Variants in ADAM22 observed in about 807,000 individuals in gnomAD.
ADAM22 encodes the protein ADAM metallopeptidase domain 22, also known as disintegrin and metalloproteinase domain-containing protein 22.
ADAM22 carries 65 observed loss-of-function variants against 144.6 expected under a neutral mutation model. That is an observed-to-expected ratio of 0.45 (90% CI 0.37 to 0.55). ADAM22 has a LOEUF of 0.55. ADAM22 is among the 20% of genes least tolerant of loss of function. The pLI, the probability that ADAM22 is intolerant of heterozygous loss-of-function variation, is 0.00. For synonymous variants in ADAM22, 391 were observed against 412.6 expected (o/e 0.95, Z 0.63); for missense variants, 974 against 1,184.9 (o/e 0.82, Z 2.61).
At chr7:87,934,885 T>C (rs765291661) in intron 1 of ADAM22, 141 bp from the exon 2 acceptor site, 1 of 1,206,918 alleles carries the variant, frequency 8.3e-7, no homozygotes, top group Non-Finnish European at 1.2e-6. Context: ...TCTGCGTCCT[T>C]CCCAGTTGGG....
At chr7:88,128,977 T>TA (rs150818906) in intron 9 of ADAM22, among the ~76,000 whole-genome samples, 2 of 151,970 alleles carry the variant, frequency 1.3e-5, no homozygotes, top group African/African-American at 4.8e-5. Flanking sequence ...TGACAAGGTT[T>TA]AAAAAAATGG....
chr7:88,011,273 A>C (rs1563017996), intron 3 of ADAM22, among the ~76,000 whole-genome samples: 1 of 152,176 alleles, frequency 6.6e-6, no homozygotes. Context: ...TTGAAATTAA[A>C]AACACTGCCT....
chr7:87,976,058 C>G (rs770712448), intron 2 of ADAM22, among the ~76,000 whole-genome samples: 1 of 152,130 alleles, frequency 6.6e-6, no homozygotes, highest in Non-Finnish European at 1.5e-5. Context: ...TTCATTTATA[C>G]ATCCAGGGGA....
At chr7:88,097,451 A>G (rs1031490072) in intron 4 of ADAM22, among the ~76,000 whole-genome samples, 1 of 151,970 alleles carries the variant, frequency 6.6e-6, no homozygotes, top group Admixed American at 6.5e-5. Context: ...CCTGGCTGCA[A>G]CAGAATCTTT....
intron 4 of ADAM22, among the ~76,000 whole-genome samples, chr7:88,079,599 C>G (rs995785020): frequency 5.3e-5 from 8 of 152,212 alleles, no homozygotes; most frequent in African/African-American, 1.9e-4. Context: ...ATTCAGGAAA[C>G]CCATCTCATG....
At chr7:88,032,935 C>T (rs1345678230) in intron 3 of ADAM22, among the ~76,000 whole-genome samples, 2 of 152,146 alleles carry the variant, frequency 1.3e-5, no homozygotes, top group Non-Finnish European at 2.9e-5. Context: ...TGAGGCCTTC[C>T]CAGAAGTAGA....
rs767014451 is a variant in ADAM22 at position 87,934,553 on chromosome 7, A to G, written c.85+3A>G. 1 of 1,605,796 alleles carries G rather than the reference A, an allele frequency of 6.2e-7. No homozygotes were observed. Among genetic ancestry groups the G allele is most frequent in the East Asian group, 2.2e-5 (1 of 44,666 alleles). On this transcript the variant is annotated splice_donor_region_variant and intron_variant, in intron 1 of 31. Coordinates refer to ENST00000413139, the MANE Select transcript of ADAM22 (RefSeq NM_001324418.2). ...TCCGGCGCGCTGCGGCCAGGCAGGTAAGTTAGCCGTCCTCTGTGCCTTTGG... is the reference window on the plus strand; with the variant it reads ...TCCGGCGCGCTGCGGCCAGGCAGGTGAGTTAGCCGTCCTCTGTGCCTTTGG...
chr7:88,054,588 CTGTGTGTG>C (rs58027941), intron 3 of ADAM22, among the ~76,000 whole-genome samples: 1,682 of 132,264 alleles, frequency 0.013, 16 homozygotes, highest in African/African-American at 0.023. Flanking sequence ...AGGTGCCCTC[CTGTGTGTG>C]TGTGTGTGTG....
intron 3 of ADAM22, among the ~76,000 whole-genome samples, chr7:87,991,383 G>A (rs935838978): frequency 2.2e-5 from 3 of 134,236 alleles, no homozygotes; most frequent in East Asian, 2.2e-4. Flanking sequence ...TTTTTGAGAC[G>A]GAGTCTCGCT....
rs1314314904 is a variant in ADAM22, at chr7:88,165,882, T to G, written c.2127T>G (p.Ser709=). Residue 709 remains serine (S), a synonymous_variant, in exon 24 of 32, where the codon TCT becomes TCG. Transcript: ENST00000413139. ...TGTGTAACAGACACTGGATAGGTTC[T>G]GATTGCAACACTTACTTCCCTCACA... ...KCVCNRHWIG[S]DCNTYFPHND... 6 of 1,612,206 alleles carry G rather than the reference T, an allele frequency of 3.7e-6. No individual in the cohort carries two copies. The African/African-American group carries it at 6.7e-5, about 18-fold the overall frequency.
At chr7:88,161,111 G>A (rs555245563) in intron 22 of ADAM22, among the ~76,000 whole-genome samples, 2 of 146,266 alleles carry the variant, frequency 1.4e-5, no homozygotes, top group South Asian at 4.3e-4. Flanking sequence ...TAAAGTATAA[G>A]AATAATAATA....
In ADAM22 at chr7:88,154,705, C is replaced by A. The variant is rs548065008; in HGVS notation, c.1788-1182C>A. Among the ~76,000 whole-genome samples the A allele has an allele frequency of 2.0e-5, 3 of 152,094 alleles. No homozygotes were observed. In the South Asian group the frequency reaches 6.2e-4, roughly 32 times the overall value. ...TAGGTTCATATACATAAATGACATT[C>A]AAAAAAGTTTTGAATGAATATCTCT... On this transcript the variant is annotated intron_variant, in intron 21 of 31. Coordinates refer to ENST00000413139, the MANE Select transcript of ADAM22 (RefSeq NM_001324418.2).
chr7:88,151,131 T>G (rs899388662), intron 19 of ADAM22, 100 bp downstream of exon 19: 8 of 1,522,054 alleles, frequency 5.3e-6, no homozygotes, highest in East Asian at 2.3e-5. Flanking sequence ...ATGTTTGTAA[T>G]CAATTCTGAA....
chr7:88,111,106 T>C (rs1413945442), intron 5 of ADAM22, among the ~76,000 whole-genome samples: 2 of 152,054 alleles, frequency 1.3e-5, no homozygotes, highest in African/African-American at 4.8e-5. Flanking sequence ...ACCTATCGTG[T>C]GTCTTGGAAC....
chr7:88,182,048 A>G (rs1334970383), intron 29 of ADAM22, 24 bp downstream of exon 29: 1 of 1,604,078 alleles, frequency 6.2e-7, no homozygotes, highest in Admixed American at 1.7e-5. Flanking sequence ...TCTAATGGAA[A>G]AAGGCACTCC....
chr7:88,116,659 C>A, intron 6 of ADAM22, 86 bp from the exon 7 acceptor site: 1 of 1,124,220 alleles, frequency 8.9e-7, no homozygotes, highest in South Asian at 1.3e-5. Context: ...AGCTGTGGTT[C>A]TTTTAAGGGT....
At chr7:87,934,856 A>T in intron 1 of ADAM22, 170 bp from the exon 2 acceptor site, 1 of 941,610 alleles carries the variant, frequency 1.1e-6, no homozygotes, top group Admixed American at 2.2e-5. Flanking sequence ...AGCTGGTCCA[A>T]GGCTCTCGGG....
intron 4 of ADAM22, among the ~76,000 whole-genome samples, chr7:88,080,403 T>C (rs1334114667): frequency 1.3e-5 from 2 of 151,924 alleles, no homozygotes; most frequent in African/African-American, 2.4e-5. Flanking sequence ...AGGAAAGGTG[T>C]AAAATTGACA....
In ADAM22 at chr7:88,126,457, A is replaced by T. The variant is rs964322005; in HGVS notation, c.678+798A>T. Reference sequence around the variant, plus strand: ...TTTTTATTACCTTGAAATAAAATATATGTTTACAGACAGATTTTTATTGTG... The same window carrying T: ...TTTTTATTACCTTGAAATAAAATATTTGTTTACAGACAGATTTTTATTGTG... On this transcript the variant is annotated intron_variant, in intron 8 of 31. Transcript: ENST00000413139. 2.0e-5 allele frequency among the ~76,000 whole-genome samples: 3 copies of T among 152,122 alleles called. No individual in the cohort carries two copies. The South Asian group carries it at 6.2e-4, about 32-fold the overall frequency.
Sources: gnomAD v4.1 joint callset for allele counts (sites outside exome capture counted in the v4.1 genomes callset) on GRCh38, gnomAD v4.1.1 for gene constraint, MANE v1.5 for transcripts, NCBI Gene and HGNC (gene_info 2026-07-23, HGNC 2026-07-21) for gene names.